Variants in MTFR2 observed in about 807,000 individuals in gnomAD.
The protein encoded by MTFR2 is DUF729 domain-containing protein 1.
In MTFR2, 44 loss-of-function variants were observed where a neutral mutation model predicts 41.2. The ratio of observed to expected loss-of-function variants is 1.07; its 90% CI spans 0.84 to 1.37. The LOEUF is 1.37. Among genes scored for constraint, MTFR2 ranks in the 40% most tolerant of loss-of-function variants. The probability of loss-of-function intolerance (pLI) is 0.00; values close to 1 mark genes in which losing one functional copy is unlikely to be tolerated. For missense variants in MTFR2, 452 were observed against 459.5 expected (o/e 0.98, Z 0.15); for synonymous variants, 141 against 154.6 (o/e 0.91, Z 0.65).
Position 136,239,607 on chromosome 6 carries a change from G to T in MTFR2, c.728C>A (p.Ala243Glu). Reference sequence around the variant, plus strand: ...CGGGTTCTGTTTGCTCATTTCAGTTGCTGGATTATCTGAGTCACAAATATT... The same window carrying T: ...CGGGTTCTGTTTGCTCATTTCAGTTTCTGGATTATCTGAGTCACAAATATT... ...SNNICDSDNP[A>E]TEMSKQNPAA... Residue 243 changes from alanine (A) to glutamate (E), a missense_variant, in exon 6 of 8, where the codon GCA becomes GAA. By Grantham distance (107) the Ala-to-Glu change is moderately radical. Coordinates refer to ENST00000420702, the MANE Select transcript of MTFR2 (RefSeq NM_001099286.3). 2 of 1,614,044 alleles carry T rather than the reference G, an allele frequency of 1.2e-6. No individual in the cohort carries two copies. Among genetic ancestry groups the T allele is most frequent in the Non-Finnish European group, 1.7e-6 (2 of 1,180,008 alleles).
intron 6 of MTFR2, among the ~76,000 whole-genome samples, chr6:136,235,258 G>A (rs1249035984): frequency 6.6e-6 from 1 of 152,160 alleles, no homozygotes; most frequent in Non-Finnish European, 1.5e-5. Flanking sequence ...ACGTGGGAAA[G>A]AACAGGTTTT....
rs1297815977 is a variant in MTFR2 at position 136,249,157 on chromosome 6, TG to T, written c.-54-5del. Reference sequence around the variant, plus strand: ...AACATTATCAGTTTCTTGGTGCCTTTGGGGAAAATTTTAGAAAATGTTACTC... The same window carrying T: ...AACATTATCAGTTTCTTGGTGCCTTTGGGAAAATTTTAGAAAATGTTACTC... On this transcript the variant is annotated splice_polypyrimidine_tract_variant and splice_region_variant and intron_variant, in intron 1 of 7. Coordinates refer to ENST00000420702, the MANE Select transcript of MTFR2 (RefSeq NM_001099286.3). The T allele has an allele frequency of 6.9e-7, 1 of 1,446,664 alleles. No individual in the cohort carries two copies. Among genetic ancestry groups the T allele is most frequent in the Admixed American group, 2.6e-5 (1 of 38,710 alleles). 89.6% of individuals were successfully genotyped at this position (1,446,664 alleles called of 1,614,324 possible).
At chr6:136,238,233 T>C (rs1386364716) in intron 6 of MTFR2, among the ~76,000 whole-genome samples, 2 of 152,196 alleles carry the variant, frequency 1.3e-5, no homozygotes, top group Non-Finnish European at 2.9e-5. Flanking sequence ...GATATATACA[T>C]ACAATATACA....
At chr6:136,240,655 G>T (rs1780030666) in intron 5 of MTFR2, among the ~76,000 whole-genome samples, 1 of 152,090 alleles carries the variant, frequency 6.6e-6, no homozygotes, top group Admixed American at 6.5e-5. Context: ...CAATCATCTG[G>T]AAAACATGAC....
intron 5 of MTFR2, 101 bp downstream of exon 5, chr6:136,241,343 A>T: frequency 1.2e-6 from 1 of 855,030 alleles, no homozygotes; most frequent in Non-Finnish European, 1.8e-6. Context: ...CCTGTATGCT[A>T]CTATACGTAC....
Position 136,231,309 on chromosome 6 carries a change from A to G in MTFR2, c.1124T>C (p.Ile375Thr). The change falls in exon 8 of 8, where the codon ATC becomes ACC. Residue 375 changes from isoleucine (I) to threonine (T), a missense_variant. Coordinates refer to ENST00000420702, the MANE Select transcript of MTFR2 (RefSeq NM_001099286.3). ...MVNTKAVDQG[I>T]SNTSLLNSRI ...TGAGTTTAGAAGGCTTGTGTTGCTG[A>G]TACCTTGGTCAACAGCTTTTGTGTT... is the stretch of plus-strand genomic sequence containing the variant. The G allele has an allele frequency of 3.1e-6, 5 of 1,612,410 alleles. No individual in the cohort carries two copies. Among genetic ancestry groups the G allele is most frequent in the Non-Finnish European group, 4.2e-6 (5 of 1,179,152 alleles).
rs779988972 is a variant in MTFR2 at position 136,239,701 on chromosome 6, G to A, written c.634C>T (p.Pro212Ser). 2.5e-6 allele frequency: 4 copies of A among 1,612,692 alleles called. No individual in the cohort carries two copies. The highest frequency in any genetic ancestry group is 3.4e-6 in the Non-Finnish European group (4 of 1,179,054). ...GATGAAAACTGAGGAGGAAGTGGTGGAGGAGGAGGAGGAGAAAGCACTGAA... is the reference window on the plus strand; with the variant it reads ...GATGAAAACTGAGGAGGAAGTGGTGAAGGAGGAGGAGGAGAAAGCACTGAA... Reference protein sequence around the residue: ...PGSVLSPPPPPPLPPQFSSLQ... With the variant: ...PGSVLSPPPPSPLPPQFSSLQ... Residue 212 changes from proline (P) to serine (S), a missense_variant, in exon 6 of 8, where the codon CCA becomes TCA. Coordinates refer to ENST00000420702, the MANE Select transcript of MTFR2 (RefSeq NM_001099286.3).
At chr6:136,240,891 A>T (rs543729528) in intron 5 of MTFR2, among the ~76,000 whole-genome samples, 2 of 152,274 alleles carry the variant, frequency 1.3e-5, no homozygotes, top group East Asian at 1.9e-4. Flanking sequence ...GGAGATCGAG[A>T]CCATCCTGGC....
intron 5 of MTFR2, 50 bp downstream of exon 5, chr6:136,241,394 C>G (rs755088822): frequency 1.3e-6 from 2 of 1,483,048 alleles, no homozygotes; most frequent in East Asian, 4.7e-5. Flanking sequence ...TTGGTATAGG[C>G]TATACCATGA....
At chr6:136,234,202 G>C (rs957940720) in intron 6 of MTFR2, among the ~76,000 whole-genome samples, 2 of 151,302 alleles carry the variant, frequency 1.3e-5, no homozygotes, top group African/African-American at 2.4e-5. Context: ...CAACTACTTG[G>C]GAGGTTAAGG....
At chr6:136,238,472 A>T (rs1779963369) in intron 6 of MTFR2, among the ~76,000 whole-genome samples, 1 of 152,032 alleles carries the variant, frequency 6.6e-6, no homozygotes, top group African/African-American at 2.4e-5. Context: ...TAAAAAATAA[A>T]GTAATCAAAC....
At chr6:136,232,984 C>G (rs1779803048) in intron 7 of MTFR2, among the ~76,000 whole-genome samples, 1 of 152,170 alleles carries the variant, frequency 6.6e-6, no homozygotes, top group Non-Finnish European at 1.5e-5. Context: ...TAGGGGGAAT[C>G]TATTGCACCA....
rs146427814 is a variant in MTFR2, at chr6:136,233,339, G to T, written c.1030C>A (p.Pro344Thr). 1 of 1,612,194 alleles carries T rather than the reference G, an allele frequency of 6.2e-7. No homozygotes were observed. ...GTGTAGCTTACCCTTGAAGTTTCTG[G>T]ACTAGAAAATGGGGAAGATTCCCAA... Reference protein sequence around the residue: ...RSWESSPFSSPETSRFGHHIS... With the variant: ...RSWESSPFSSTETSRFGHHIS... Residue 344 changes from proline (P) to threonine (T), a missense_variant, in exon 7 of 8, where the codon CCA becomes ACA. Coordinates refer to ENST00000420702, the MANE Select transcript of MTFR2 (RefSeq NM_001099286.3).
intron 2 of MTFR2, among the ~76,000 whole-genome samples, chr6:136,246,243 C>G (rs1303268543): frequency 6.6e-6 from 1 of 152,020 alleles, no homozygotes; most frequent in Non-Finnish European, 1.5e-5. Flanking sequence ...CTTCATTGCC[C>G]CTGGCCATCT....
rs1254672567 is a variant in MTFR2 at position 136,231,120 on chromosome 6, C to T, written c.*155G>A. 1.8e-6 allele frequency: 1 copy of T among 566,830 alleles called. No individual in the cohort carries two copies. Among genetic ancestry groups the T allele is most frequent in the Non-Finnish European group, 3.1e-6 (1 of 319,056 alleles). The allele number at this position is 566,830 out of a possible 1,614,324, so 35.1% of individuals were successfully genotyped here. ...GAACAAAGGAAACAAAAATGACAGG[C>T]ATACATATTTACATAGCAAGTGTAG... On this transcript the variant is annotated 3_prime_UTR_variant, in exon 8 of 8. Coordinates refer to ENST00000420702, the MANE Select transcript of MTFR2 (RefSeq NM_001099286.3).
chr6:136,241,478 C>T lies in MTFR2; in HGVS notation c.480G>A (p.Val160=), dbSNP rs1780067675. The T allele has an allele frequency of 1.2e-6, 2 of 1,613,844 alleles. No homozygotes were observed. The highest frequency in any genetic ancestry group is 1.3e-5 in the African/African-American group (1 of 75,020). ...TFLRSQIAAI[V]EMQELKNSTN... Reference sequence around the variant, plus strand: ...TACTATTTTTCAGTTCCTGCATTTCCACAATTGCTGCAATCTGAGAGCGAA... The same window carrying T: ...TACTATTTTTCAGTTCCTGCATTTCTACAATTGCTGCAATCTGAGAGCGAA... The change falls in exon 5 of 8, where the codon GTG becomes GTA. Residue 160 remains valine (V), a synonymous_variant. Coordinates refer to ENST00000420702, the MANE Select transcript of MTFR2 (RefSeq NM_001099286.3).
At chr6:136,249,900 A>C (rs1780319155) in intron 1 of MTFR2, 76 bp downstream of exon 1, 1 of 152,230 alleles carries the variant, frequency 6.6e-6, no homozygotes, top group African/African-American at 2.4e-5. Flanking sequence ...GGCCGTGACC[A>C]GAGCCGGATC....
chr6:136,235,254 G>GAAAGAACTGGTTTTCAAGGTGGCGGA (rs1779874065), intron 6 of MTFR2, among the ~76,000 whole-genome samples: 1 of 150,766 alleles, frequency 6.6e-6, no homozygotes, highest in African/African-American at 2.5e-5. Context: ...AAAGACGTGG[G>GAAAGAACTGGTTTTCAAGGTGGCGGA]AAAGAACAGG....
chr6:136,244,920 T>G, intron 2 of MTFR2, 51 bp from the exon 3 acceptor site: 1 of 1,329,224 alleles, frequency 7.5e-7, no homozygotes, highest in Non-Finnish European at 1.0e-6. Flanking sequence ...TAAGCATATT[T>G]ATATAAGTAT....
Sources: gnomAD v4.1 joint callset for allele counts (sites outside exome capture counted in the v4.1 genomes callset) on GRCh38, gnomAD v4.1.1 for gene constraint, MANE v1.5 for transcripts, NCBI Gene and HGNC (gene_info 2026-07-23, HGNC 2026-07-21) for gene names.